The following ADGRG1 variants were observed in gnomAD, a reference collection of about 807,000 sequenced individuals.
ADGRG1 encodes 7-transmembrane protein with no EGF-like N-terminal domains-1.
ADGRG1 carries 53 observed loss-of-function variants against 73.5 expected under a neutral mutation model. The observed-to-expected ratio is 0.72, with a 90% confidence interval of 0.58 to 0.91. The LOEUF is 0.91. Among genes scored for constraint, ADGRG1 ranks in the 40% least tolerant of loss-of-function variants. The pLI is 0.00. For missense variants in ADGRG1, 795 were observed against 871.8 expected, an observed-to-expected ratio of 0.91 and a Z score of 1.11; for synonymous variants, 394 against 374.4, an observed-to-expected ratio of 1.05 and a Z score of -0.60.
intron 1 of ADGRG1, 89 bp downstream of exon 1, chr16:57,628,891 TGAGTGTGTGA>T (rs2036564093): frequency 1.2e-6 from 1 of 852,406 alleles, no homozygotes; most frequent in African/African-American, 2.5e-5. Flanking sequence ...TGTGAGAGTG[TGAGTGTGTGA>T]GTGTGAGTGT....
chr16:57,626,904 T>A (rs1473096202), upstream of ADGRG1: 2 of 985,138 alleles, frequency 2.0e-6, no homozygotes, highest in Non-Finnish European at 2.4e-6. Flanking sequence ...CCCTTGTTAG[T>A]GGGCCCCCAG....
At chr16:57,652,205 C>T (rs1329593359) in intron 3 of ADGRG1, 8 of 959,424 alleles carry the variant, frequency 8.3e-6, no homozygotes. Flanking sequence ...CCAGAAGCTG[C>T]ATCTTCCCCC....
At chr16:57,628,160 G>T (rs185860977), upstream of ADGRG1, 2 of 985,154 alleles carry the variant, frequency 2.0e-6, no homozygotes, top group African/African-American at 1.7e-5. Flanking sequence ...ACTGCCTTCC[G>T]CTCTGCCGGT....
At chr16:57,631,625 T>A (rs1414794917) in intron 1 of ADGRG1, 1 of 985,010 alleles carries the variant, frequency 1.0e-6, no homozygotes, top group Admixed American at 6.2e-5. Context: ...GATGGGGACA[T>A]CATGTGAGCA....
At chr16:57,632,157 TG>T in intron 1 of ADGRG1, 3 of 985,462 alleles carry the variant, frequency 3.0e-6, no homozygotes, top group Non-Finnish European at 3.6e-6. Flanking sequence ...CCCACATCTT[TG>T]GGGATCCAGA....
rs2046050877 is a variant in ADGRG1 at position 57,657,580 on chromosome 16, C to T, written c.1286+89C>T. On this transcript the variant is annotated intron_variant, in intron 10 of 13. Coordinates refer to ENST00000562631, the MANE Select transcript of ADGRG1 (RefSeq NM_201525.4). ...GCCGCACACATCTCCGGTCATGGCC[C>T]GCCCGCATGACCTGGAACTGTGTGT... is the stretch of plus-strand genomic sequence containing the variant. 1.7e-5 allele frequency: 17 copies of T among 1,001,324 alleles called. 1 individual carries two copies. Among genetic ancestry groups the T allele is most frequent in the South Asian group, 1.4e-4 (11 of 78,962 alleles). 62.0% of individuals were successfully genotyped at this position (1,001,324 alleles called of 1,614,324 possible). A position where few individuals can be genotyped will look rare whatever the true frequency, so the allele number is the denominator to read the frequency against.
chr16:57,653,922 C>G lies in ADGRG1; in HGVS notation c.621-64C>G. On this transcript the variant is annotated intron_variant, in intron 4 of 13. Coordinates refer to ENST00000562631, the MANE Select transcript of ADGRG1 (RefSeq NM_201525.4). The stretch of plus-strand genomic sequence containing the variant: ...TCTGTCTGAGTCTCTCGTCCTCCTG[C>G]CTCAGTCTCCCTGGTGGCCCGGCCC... 1.9e-6 allele frequency: 3 copies of G among 1,610,006 alleles called. No individual in the cohort carries two copies. In the South Asian group the frequency reaches 3.3e-5, roughly 18 times the overall value.
At chr16:57,634,179 A>G in intron 1 of ADGRG1, 1 of 985,326 alleles carries the variant, frequency 1.0e-6, no homozygotes, top group Non-Finnish European at 1.2e-6. Flanking sequence ...TAGGCTGAGC[A>G]GCTGACCCCT....
chr16:57,662,253 T>C (rs1415824623), intron 13 of ADGRG1, among the ~76,000 whole-genome samples: 1 of 152,156 alleles, frequency 6.6e-6, no homozygotes, highest in Non-Finnish European at 1.5e-5. Flanking sequence ...GGCAAGCATA[T>C]AGCCATCAAA....
At chr16:57,628,945 A>AGTGTGT (rs1567668642) in intron 1 of ADGRG1, 143 bp downstream of exon 1, 5 of 597,196 alleles carry the variant, frequency 8.4e-6, no homozygotes, top group African/African-American at 5.4e-5. Flanking sequence ...TGTGAGCGTG[A>AGTGTGT]GAGTGTGAGA....
intron 8 of ADGRG1, 86 bp from the exon 9 acceptor site, chr16:57,656,428 A>C: frequency 6.2e-7 from 1 of 1,604,784 alleles, no homozygotes; most frequent in Non-Finnish European, 8.5e-7. Flanking sequence ...GGGTGGAAGA[A>C]TGACACAGTC....
intron 1 of ADGRG1, chr16:57,632,141 A>T (rs1222386841): frequency 2.1e-5 from 21 of 985,472 alleles, no homozygotes; most frequent in Middle Eastern, 5.2e-4. Flanking sequence ...TTACCCAGTG[A>T]GCAACCCCAC....
chr16:57,649,663 G>T (rs1277361945), intron 1 of ADGRG1, among the ~76,000 whole-genome samples: 1 of 152,126 alleles, frequency 6.6e-6, no homozygotes, highest in South Asian at 2.1e-4. Flanking sequence ...CGTCACTCTG[G>T]GTTCAGGAGG....
At chr16:57,636,768 T>C (rs969639420) in intron 1 of ADGRG1, 2 of 897,416 alleles carry the variant, frequency 2.2e-6, no homozygotes, top group Admixed American at 1.2e-4. Context: ...GACCAGGCAC[T>C]GTGCTAGGTA....
At chr16:57,654,535 A>G (rs1481229590) in intron 5 of ADGRG1, among the ~76,000 whole-genome samples, 5 of 150,566 alleles carry the variant, frequency 3.3e-5, no homozygotes, top group Non-Finnish European at 5.9e-5. Context: ...CTCCCACTTC[A>G]GCCTGTGAGC....
chr16:57,660,945 GC>G, intron 12 of ADGRG1, 69 bp downstream of exon 12: 1 of 951,914 alleles, frequency 1.1e-6, no homozygotes, highest in Non-Finnish European at 1.7e-6. Flanking sequence ...TGCAGCCCGG[GC>G]CCAGGTCATG....
intron 1 of ADGRG1, chr16:57,629,132 T>C: frequency 1.0e-6 from 1 of 980,306 alleles, no homozygotes; most frequent in Non-Finnish European, 1.2e-6. Flanking sequence ...GGGTGGCTGT[T>C]GGACAGTGGG....
chr16:57,659,815 C>T, intron 11 of ADGRG1, 134 bp downstream of exon 11: 1 of 921,172 alleles, frequency 1.1e-6, no homozygotes, highest in Non-Finnish European at 1.7e-6. Flanking sequence ...CCTCAGGTGT[C>T]CTTCACCTTG....
At chr16:57,657,307 G>A (rs1359566328) in intron 9 of ADGRG1, 66 bp from the exon 10 acceptor site, 11 of 1,609,088 alleles carry the variant, frequency 6.8e-6, no homozygotes, top group East Asian at 4.5e-5. Context: ...AGCCCCTCAC[G>A]CAGGGCAAGC....
Sources: allele counts gnomAD v4.1 joint callset (sites outside exome capture counted in the v4.1 genomes callset), GRCh38; gene constraint gnomAD v4.1.1; transcripts MANE v1.5; gene names NCBI Gene and HGNC (gene_info 2026-07-23, HGNC 2026-07-21).